DPP6: variants seen among roughly 807,000 people sequenced by gnomAD.
DPP6 encodes dipeptidyl peptidase like 6, also known as A-type potassium channel modulatory protein DPP6.
Under a neutral mutation model 122.6 loss-of-function variants are expected in DPP6, and 69 were observed. The ratio of observed to expected loss-of-function variants is 0.56; its 90% CI spans 0.46 to 0.69. DPP6 has a LOEUF of 0.69. DPP6 is among the 30% of genes least tolerant of loss of function. The pLI is 0.00. For missense variants in DPP6, 928 were observed against 1,116.9 expected (o/e 0.83, Z 2.41); for synonymous variants, 418 against 433.1 (o/e 0.97, Z 0.43).
At chr7:153,866,149 A>G in the DPP6 span, among the ~76,000 whole-genome samples, 1 of 152,128 alleles carries the variant, frequency 6.6e-6, no homozygotes, top group Non-Finnish European at 1.5e-5. Context: ...ATGATTTACA[A>G]TCCTTAGGGT....
chr7:154,662,519 GTTCATATA>G, intron 6 of DPP6, among the ~76,000 whole-genome samples: 1 of 41,742 alleles, frequency 2.4e-5, no homozygotes, highest in Non-Finnish European at 5.4e-5. Flanking sequence ...CGGCCGTAGT[GTTCATATA>G]GTCATGGTGA....
In DPP6 at chr7:154,079,580, G is replaced by A. The variant is rs575000657; in HGVS notation, c.243+26517G>A. On this transcript the variant is annotated intron_variant, in intron 1 of 25. Transcript: ENST00000377770. ...TAGAGATGGGGGATAACGGGTGAAA[G>A]GAACAAGCACGGCCCCTTTGAGGTG... Among the ~76,000 whole-genome samples, 32 of 152,274 alleles carry A rather than the reference G, an allele frequency of 2.1e-4. No individual in the cohort carries two copies. The East Asian group carries it at 5.2e-3, about 25-fold the overall frequency.
At chr7:154,706,441 C>T (rs1050121988) in intron 7 of DPP6, among the ~76,000 whole-genome samples, 1 of 152,178 alleles carries the variant, frequency 6.6e-6, no homozygotes, top group Non-Finnish European at 1.5e-5. Flanking sequence ...AACTTCCTCC[C>T]AGCAATTCCC....
At chr7:154,113,446 A>G (rs1301089375) in intron 1 of DPP6, among the ~76,000 whole-genome samples, 1 of 151,452 alleles carries the variant, frequency 6.6e-6, no homozygotes, top group African/African-American at 2.4e-5. Flanking sequence ...CACAACACAC[A>G]CACCTACATA....
chr7:154,507,419 T>C (rs1563777414), intron 3 of DPP6, among the ~76,000 whole-genome samples: 1 of 152,138 alleles, frequency 6.6e-6, no homozygotes. Flanking sequence ...GCATTTGTCC[T>C]AATGCTCTCC....
intron 8 of DPP6, among the ~76,000 whole-genome samples, chr7:154,738,454 G>T (rs1326058739): frequency 7.2e-5 from 11 of 152,198 alleles, no homozygotes; most frequent in Non-Finnish European, 2.9e-5. Context: ...TACCCTGGGA[G>T]TTCTCCAGCC....
intron 7 of DPP6, among the ~76,000 whole-genome samples, chr7:154,702,732 C>G (rs71534164): frequency 0.026 from 3,972 of 152,350 alleles, 63 homozygotes; most frequent in Non-Finnish European, 0.04. Flanking sequence ...CATAAAAGTG[C>G]AAGGTGAAGC....
At chr7:153,767,079 T>C in the DPP6 span, among the ~76,000 whole-genome samples, 1 of 151,680 alleles carries the variant, frequency 6.6e-6, no homozygotes, top group Non-Finnish European at 1.5e-5. Context: ...CAAGGAAATG[T>C]CACTATAACA....
chr7:154,575,606 T>A (rs969305811), intron 5 of DPP6, among the ~76,000 whole-genome samples: 6,211 of 123,274 alleles, frequency 0.05, 564 homozygotes, highest in East Asian at 0.49. Context: ...GTGTGTGGTG[T>A]GTGTATGTGT....
chr7:154,152,837 A>G (rs1368053778), intron 1 of DPP6, among the ~76,000 whole-genome samples: 1 of 152,240 alleles, frequency 6.6e-6, no homozygotes, highest in Non-Finnish European at 1.5e-5. Flanking sequence ...CGGCTTTCCA[A>G]TCAGAAACAA....
chr7:154,335,347 A>T (rs193188346), intron 1 of DPP6, among the ~76,000 whole-genome samples: 26 of 152,376 alleles, frequency 1.7e-4, no homozygotes, highest in Non-Finnish European at 7.3e-5. Flanking sequence ...TCAATGCCAC[A>T]TATACCTGAA....
At chr7:154,846,741 AAATT>A (rs1363359942) in intron 16 of DPP6, among the ~76,000 whole-genome samples, 2 of 152,230 alleles carry the variant, frequency 1.3e-5, no homozygotes, top group African/African-American at 4.8e-5. Context: ...TGGACTCAAT[AAATT>A]ATTATATTTC....
rs552833095 is a variant in DPP6, at chr7:154,437,756, C to T, written c.244-8458C>T. ...TTCAAGATCAGCCTGGCCAACATGGCGAAACCCAGTCTCTGCTAAAAATAC... is the reference window on the plus strand; with the variant it reads ...TTCAAGATCAGCCTGGCCAACATGGTGAAACCCAGTCTCTGCTAAAAATAC... On this transcript the variant is annotated intron_variant, in intron 1 of 25. Coordinates refer to ENST00000377770, the MANE Select transcript of DPP6 (RefSeq NM_130797.4). Among the ~76,000 whole-genome samples the T allele has an allele frequency of 7.2e-5, 11 of 152,078 alleles. No individual in the cohort carries two copies. The East Asian group carries it at 1.5e-3, about 21-fold the overall frequency.
chr7:154,875,942 G>A lies in DPP6; in HGVS notation c.1920G>A (p.Lys640=). 1 of 1,613,410 alleles carries A rather than the reference G, an allele frequency of 6.2e-7. No individual in the cohort carries two copies. Among genetic ancestry groups the A allele is most frequent in the Non-Finnish European group, 8.5e-7 (1 of 1,179,692 alleles). The change falls in exon 20 of 26, where the codon AAG becomes AAA. Residue 640 remains lysine (K), a synonymous_variant. Transcript: ENST00000377770. This position sits in a 1 kb window ranked among gnomAD's most constrained non-coding sequence, Gnocchi z 4.5. ...CAGGCAGCCAGAGTGTGGCTGAGAA[G>A]TTCGAGGTGAGCTGGGAGACGGTGA... is the stretch of plus-strand genomic sequence containing the variant. The part of the protein sequence containing the change: ...GTPGSQSVAE[K]FEVSWETVMV...
At chr7:154,401,360 G>A (rs1815580693) in intron 1 of DPP6, among the ~76,000 whole-genome samples, 1 of 152,136 alleles carries the variant, frequency 6.6e-6, no homozygotes, top group African/African-American at 2.4e-5. Flanking sequence ...TTGGAAAATA[G>A]CACCCAGAAT....
At chr7:153,757,486 G>C in the DPP6 span, among the ~76,000 whole-genome samples, 5 of 152,176 alleles carry the variant, frequency 3.3e-5, no homozygotes, top group Non-Finnish European at 4.4e-5. Flanking sequence ...AGGTAGAGTG[G>C]AAGGAGGGAA....
Position 154,019,436 on chromosome 7 carries a change from C to T in DPP6, c.51+131702C>T, listed in dbSNP as rs548050130. Among the ~76,000 whole-genome samples, 125 of 150,938 alleles carry T rather than the reference C, an allele frequency of 8.3e-4. 1 individual carries two copies. Among genetic ancestry groups the T allele is most frequent in the Admixed American group, 4.6e-3 (69 of 15,088 alleles). On this transcript the variant is annotated intron_variant, in intron 1 of 25. Coordinates refer to the DPP6 transcript ENST00000404039. ...TTTCTTTATCTATCTATTTCTTCCT[C>T]TCTCTCTTCCTTCCCTCCTTCCCTC...
At chr7:153,885,892 G>A (rs1407189581), upstream of DPP6, among the ~76,000 whole-genome samples, 1 of 152,066 alleles carries the variant, frequency 6.6e-6, no homozygotes, top group Admixed American at 6.5e-5. Context: ...AATACATAAT[G>A]TATCATTCGT....
intron 1 of DPP6, among the ~76,000 whole-genome samples, chr7:153,994,461 A>G (rs1202975760): frequency 3.3e-5 from 5 of 151,840 alleles, no homozygotes; most frequent in African/African-American, 7.3e-5. Flanking sequence ...GTTCTTTTCT[A>G]TATGTCTGTG....
Sources: gnomAD v4.1 joint callset for allele counts (sites outside exome capture counted in the v4.1 genomes callset) on GRCh38, gnomAD v4.1.1 for gene constraint, Gnocchi (gnomAD v3.1) non-coding constraint, MANE v1.5 for transcripts, NCBI Gene and HGNC (gene_info 2026-07-23, HGNC 2026-07-21) for gene names.